The following AFF2 variants were observed in gnomAD, a reference collection of about 807,000 sequenced individuals.
The protein encoded by AFF2 is ALF transcription elongation factor 2.
In AFF2, 14 loss-of-function variants were observed where a neutral mutation model predicts 76.9. The observed-to-expected ratio is 0.18, with a 90% CI of 0.12 to 0.28. AFF2 has a LOEUF of 0.28. AFF2 is among the 10% of genes least tolerant of loss of function. The pLI, the probability that AFF2 is intolerant of heterozygous loss-of-function variation, is 1.00. For missense variants in AFF2, 868 were observed against 1,001.1 expected, an observed-to-expected ratio of 0.87 and a Z score of 1.79; for synonymous variants, 398 against 366.7, an observed-to-expected ratio of 1.09 and a Z score of -0.98.
chrX:148,691,647 T>A (rs781918888), intron 3 of AFF2, among the ~76,000 whole-genome samples: 8 of 111,293 alleles, frequency 7.2e-5, no homozygotes, highest in Non-Finnish European at 1.1e-4. Context: ...ATGAATAAAG[T>A]CTAGGGAATG....
chrX:148,997,994 C>G lies in AFF2; in HGVS notation c.*6662C>G, dbSNP rs183687258. On this transcript the variant is annotated 3_prime_UTR_variant, in exon 21 of 21. Transcript: ENST00000370460. ...AATCCCTCACATTTACTCAATATAACAAATTACTGTTTCTACTCCTATTCT... is the reference window on the plus strand; with the variant it reads ...AATCCCTCACATTTACTCAATATAAGAAATTACTGTTTCTACTCCTATTCT... 2 of 112,434 alleles carry G rather than the reference C, an allele frequency of 1.8e-5. No individual in the cohort carries two copies. The highest frequency in any genetic ancestry group is 4.6e-3 in the Middle Eastern group (1 of 218). 9.3% of individuals were successfully genotyped at this position (112,434 alleles called of 1,213,427 possible). A position where few individuals can be genotyped will look rare whatever the true frequency, so the allele number is the denominator to read the frequency against.
chrX:148,550,725 G>T lies in AFF2; in HGVS notation c.47+49581G>T, dbSNP rs1165974968. 1.6e-4 allele frequency among the ~76,000 whole-genome samples: 18 copies of T among 111,091 alleles called. No individual in the cohort carries two copies. In the Admixed American group the frequency reaches 1.7e-3, roughly 11 times the overall value. On this transcript the variant is annotated intron_variant, in intron 1 of 20. Transcript: ENST00000370460. ...GAGGGGCATCTGCGAATACGTATGTGCAGGAAAAAAACTAGAAGGAAATAT... is the reference window on the plus strand; with the variant it reads ...GAGGGGCATCTGCGAATACGTATGTTCAGGAAAAAAACTAGAAGGAAATAT...
intron 4 of AFF2, among the ~76,000 whole-genome samples, chrX:148,821,946 G>A (rs2070333241): frequency 9.0e-6 from 1 of 111,582 alleles, no homozygotes; most frequent in African/African-American, 3.3e-5. Context: ...ATTTTTAGAG[G>A]AATGGTTAGA....
chrX:148,844,476 C>A (rs1902569062), intron 7 of AFF2, among the ~76,000 whole-genome samples: 1 of 111,973 alleles, frequency 8.9e-6, no homozygotes, highest in Non-Finnish European at 1.9e-5. Context: ...TTTCTAATAT[C>A]CATTTGTCCA....
intron 1 of AFF2, among the ~76,000 whole-genome samples, chrX:148,528,438 T>G (rs1469861321): frequency 8.9e-6 from 1 of 112,005 alleles, no homozygotes; most frequent in Non-Finnish European, 1.9e-5. Context: ...TTGATATGTC[T>G]TCAGTTGTGA....
chrX:148,904,975 G>A (rs1440158951), intron 9 of AFF2, among the ~76,000 whole-genome samples: 1 of 111,877 alleles, frequency 8.9e-6, no homozygotes. Context: ...CTGTGGCTGA[G>A]GGAGGACTTT....
At chrX:148,686,370 G>A (rs987170256) in intron 3 of AFF2, among the ~76,000 whole-genome samples, 13 of 111,757 alleles carry the variant, frequency 1.2e-4, no homozygotes, top group Non-Finnish European at 1.9e-4. Flanking sequence ...GTATGCAGCA[G>A]CAGTGCCCTT....
At chrX:148,595,506 A>AGCTAATGTG (rs782557965) in intron 1 of AFF2, among the ~76,000 whole-genome samples, 1 of 112,109 alleles carries the variant, frequency 8.9e-6, no homozygotes, top group Non-Finnish European at 1.9e-5. Context: ...TGAAATAGAT[A>AGCTAATGTG]GCTAATGTGA....
intron 1 of AFF2, among the ~76,000 whole-genome samples, chrX:148,516,784 G>A (rs1376883156): frequency 9.0e-6 from 1 of 111,647 alleles, no homozygotes; most frequent in Non-Finnish European, 1.9e-5. Context: ...TCAGAGATAA[G>A]TCTTGAGATG....
At chrX:148,603,473 A>T (rs2124390911) in intron 1 of AFF2, among the ~76,000 whole-genome samples, 1 of 107,133 alleles carries the variant, frequency 9.3e-6, no homozygotes, top group East Asian at 2.9e-4. Context: ...TTTTTCCCCC[A>T]TCATTGCCTT....
intron 3 of AFF2, among the ~76,000 whole-genome samples, chrX:148,797,953 A>G (rs1557270657): frequency 8.9e-6 from 1 of 112,223 alleles, no homozygotes; most frequent in Non-Finnish European, 1.9e-5. Context: ...CTACTCGTCT[A>G]TAGTATACCC....
chrX:148,985,285 C>CTTTTTTTTTTTTTTTT lies in AFF2; in HGVS notation c.3624-2063_3624-2048dup, dbSNP rs151339705. Among the ~76,000 whole-genome samples, 10 of 15,385 alleles carry CTTTTTTTTTTTTTTTT rather than the reference C, an allele frequency of 6.5e-4. 4 individuals are homozygous for CTTTTTTTTTTTTTTTT. The highest frequency in any genetic ancestry group is 2.5e-3 in the Admixed American group (2 of 792). 13.4% of individuals were successfully genotyped at this position (15,385 alleles called of 115,157 possible). A position where few individuals can be genotyped will look rare whatever the true frequency, so the allele number is the denominator to read the frequency against. ...ACAGGCATGAGCCCCTGTGCCTGGC[C>CTTTTTTTTTTTTTTTT]TTTTTTTTTTTTTTTTTTTTTTTTT... On this transcript the variant is annotated intron_variant, in intron 19 of 20. Coordinates refer to ENST00000370460, the MANE Select transcript of AFF2 (RefSeq NM_002025.4).
In AFF2 at chrX:148,966,956, C is replaced by A. The variant is rs1027393161; in HGVS notation, c.3080C>A (p.Thr1027Asn). ...ACTACCACTACCATTTCCACCATCA[C>A]CTCTACCATCACTACTGGCCTCATG... is the stretch of plus-strand genomic sequence containing the variant. ...TTTTTTISTI[T>N]STITTGLMDS... Residue 1027 changes from threonine (T) to asparagine (N), a missense_variant, in exon 14 of 21, where the codon ACC becomes AAC. Physicochemically the swap from Thr to Asn is moderately conservative, Grantham distance 65. Coordinates refer to ENST00000370460, the MANE Select transcript of AFF2 (RefSeq NM_002025.4). The A allele has an allele frequency of 5.8e-6, 7 of 1,209,564 alleles. No individual in the cohort carries two copies. The African/African-American group carries it at 7.0e-5, about 12-fold the overall frequency.
intron 3 of AFF2, among the ~76,000 whole-genome samples, chrX:148,672,477 T>C (rs934356493): frequency 2.7e-5 from 3 of 112,096 alleles, no homozygotes; most frequent in African/African-American, 6.5e-5. Context: ...CTTTTAGTGA[T>C]ACTTCCACGT....
At chrX:148,576,898 C>T (rs73249423) in intron 1 of AFF2, among the ~76,000 whole-genome samples, 2,711 of 110,688 alleles carry the variant, frequency 0.024, 42 homozygotes, top group Middle Eastern at 0.07. Flanking sequence ...TGGTTCTCTT[C>T]GCTCTATTTT....
In AFF2 at chrX:148,998,464, A is replaced by G. The variant is rs1731525803; in HGVS notation, c.*7132A>G. 2 of 112,916 alleles carry G rather than the reference A, an allele frequency of 1.8e-5. No individual in the cohort carries two copies. Among genetic ancestry groups the G allele is most frequent in the South Asian group, 7.4e-4 (2 of 2,711 alleles). 9.3% of individuals were successfully genotyped at this position (112,916 alleles called of 1,213,427 possible). A position where few individuals can be genotyped will look rare whatever the true frequency, so the allele number is the denominator to read the frequency against. On this transcript the variant is annotated 3_prime_UTR_variant, in exon 21 of 21. Coordinates refer to ENST00000370460, the MANE Select transcript of AFF2 (RefSeq NM_002025.4). ...AGGCATGCTGTATTATGAAATCGTG[A>G]TAATATAACTGCATTATTACATGGC...
chrX:148,796,667 G>A (rs1472661259), intron 3 of AFF2, among the ~76,000 whole-genome samples: 4 of 112,176 alleles, frequency 3.6e-5, no homozygotes, highest in African/African-American at 1.3e-4. Context: ...AATCTGTCTG[G>A]CCTGACAGTT....
rs182128061 is a variant in AFF2, at chrX:148,853,274, G to T, written c.1262+9841G>T. ...TTATATTGTTAAATCTTTTAGATTT[G>T]GTCTTCACTCAATTTCTGGAGCAAG... is the stretch of plus-strand genomic sequence containing the variant. On this transcript the variant is annotated intron_variant, in intron 7 of 20. Transcript: ENST00000370460. Among the ~76,000 whole-genome samples, 473 of 110,591 alleles carry T rather than the reference G, an allele frequency of 4.3e-3. 5 individuals are homozygous for T. The highest frequency in any genetic ancestry group is 0.015 in the African/African-American group (451 of 30,380).
At chrX:148,534,338 A>T (rs781815221) in intron 1 of AFF2, among the ~76,000 whole-genome samples, 5 of 112,766 alleles carry the variant, frequency 4.4e-5, no homozygotes, top group African/African-American at 1.6e-4. Context: ...ATCTGTGACT[A>T]CCATGAAGAT....
Sources: gnomAD v4.1 joint callset for allele counts (sites outside exome capture counted in the v4.1 genomes callset) on GRCh38, gnomAD v4.1.1 for gene constraint, MANE v1.5 for transcripts, NCBI Gene and HGNC (gene_info 2026-07-23, HGNC 2026-07-21) for gene names.